Variants in SLIRP observed in about 807,000 individuals in gnomAD.
SLIRP encodes the protein SRA stem-loop interacting RNA binding protein.
In SLIRP, 12 loss-of-function variants were observed where a neutral mutation model predicts 13.4. The observed-to-expected ratio is 0.89, with a 90% confidence interval of 0.57 to 1.45. The LOEUF is 1.45. Among genes scored for constraint, SLIRP ranks in the 40% most tolerant of loss-of-function variants. SLIRP has a pLI of 0.00. For synonymous variants in SLIRP, 55 were observed against 47.1 expected (o/e 1.17, Z -0.69); for missense variants, 154 against 132.2 (o/e 1.17, Z -0.81).
chr14:77,715,065 G>A (rs1468879168), intron 2 of SLIRP, among the ~76,000 whole-genome samples: 1 of 152,216 alleles, frequency 6.6e-6, no homozygotes, highest in African/African-American at 2.4e-5. Context: ...CGTGATGATA[G>A]TCGTGGTGGT....
chr14:77,713,730 G>A (rs2080456961), intron 2 of SLIRP, among the ~76,000 whole-genome samples: 1 of 152,186 alleles, frequency 6.6e-6, no homozygotes, highest in African/African-American at 2.4e-5. Flanking sequence ...TTAAGTCACT[G>A]ATGCAATGGA....
At chr14:77,710,459 G>A in intron 1 of SLIRP, 1 of 678,810 alleles carries the variant, frequency 1.5e-6, no homozygotes, top group Non-Finnish European at 2.3e-6. Flanking sequence ...AATTGTGAAA[G>A]ACCAGTAAGT....
intron 1 of SLIRP, 75 bp from the exon 2 acceptor site, chr14:77,710,763 C>T: frequency 6.3e-7 from 1 of 1,596,128 alleles, no homozygotes; most frequent in South Asian, 1.1e-5. Flanking sequence ...AATCTGGTGA[C>T]CCTGTCTTTC....
upstream of SLIRP, chr14:77,708,092 G>A: frequency 6.2e-7 from 1 of 1,611,998 alleles, no homozygotes; most frequent in Non-Finnish European, 8.5e-7. Context: ...CTCGGCTCGA[G>A]AAGGTGCTTT....
chr14:77,708,439 A>T (rs2080413503), intron 1 of SLIRP, among the ~76,000 whole-genome samples: 1 of 152,152 alleles, frequency 6.6e-6, no homozygotes, highest in East Asian at 1.9e-4. Context: ...ATTTGGTGTA[A>T]AGATTTATTA....
At chr14:77,710,674 T>C in intron 1 of SLIRP, 164 bp from the exon 2 acceptor site, 1 of 1,548,952 alleles carries the variant, frequency 6.5e-7, no homozygotes, top group South Asian at 1.2e-5. Context: ...TGGTACATTA[T>C]GGCTTTATAG....
intron 2 of SLIRP, among the ~76,000 whole-genome samples, chr14:77,714,205 C>T (rs1323186757): frequency 6.6e-6 from 1 of 152,112 alleles, no homozygotes; most frequent in Non-Finnish European, 1.5e-5. Context: ...TGGGGCTTCA[C>T]CATATTGCCC....
chr14:77,709,289 G>A (rs921243738), intron 1 of SLIRP, among the ~76,000 whole-genome samples: 1 of 152,150 alleles, frequency 6.6e-6, no homozygotes, highest in African/African-American at 2.4e-5. Context: ...CATGTTTCAG[G>A]TCAACCCCTG....
At chr14:77,716,071 CTT>C (rs2080475428) in intron 3 of SLIRP, 192 bp downstream of exon 3, 1 of 462,180 alleles carries the variant, frequency 2.2e-6, no homozygotes, top group Non-Finnish European at 3.9e-6. Context: ...AATCCCAGCA[CTT>C]TGGGAGGCCG....
At chr14:77,710,761 G>A in intron 1 of SLIRP, 77 bp from the exon 2 acceptor site, 1 of 1,595,420 alleles carries the variant, frequency 6.3e-7, no homozygotes, top group Non-Finnish European at 8.6e-7. Flanking sequence ...GAAATCTGGT[G>A]ACCCTGTCTT....
chr14:77,715,870 T>G lies in SLIRP; in HGVS notation c.255T>G (p.Asp85Glu). 1 of 1,611,916 alleles carries G rather than the reference T, an allele frequency of 6.2e-7. No individual in the cohort carries two copies. Among genetic ancestry groups the G allele is most frequent in the Non-Finnish European group, 8.5e-7 (1 of 1,178,084 alleles). ...TACAACAGGAAAATCATATTATAGA[T>G]GGAGTAAAGGTAAATTTATTTCTAT... is the stretch of plus-strand genomic sequence containing the variant. ...NALQQENHIIDGVKVQVHTRR... is the reference protein window; with the variant it reads ...NALQQENHIIEGVKVQVHTRR... Residue 85 changes from aspartate (D) to glutamate (E), a missense_variant, in exon 3 of 4, where the codon GAT (aspartate) becomes GAG (glutamate). By Grantham distance (45) the Asp-to-Glu change is conservative (BLOSUM62 2). Coordinates refer to ENST00000557342, the MANE Select transcript of SLIRP (RefSeq NM_031210.6).
chr14:77,711,101 A>G (rs1002740115), intron 2 of SLIRP, among the ~76,000 whole-genome samples: 1 of 151,804 alleles, frequency 6.6e-6, no homozygotes, highest in African/African-American at 2.4e-5. Context: ...AAGTCAAAGG[A>G]TAAATGCTTG....
At chr14:77,716,927 A>G (rs1456051489) in intron 3 of SLIRP, among the ~76,000 whole-genome samples, 1 of 151,790 alleles carries the variant, frequency 6.6e-6, no homozygotes, top group East Asian at 2.0e-4. Flanking sequence ...ACGCACTGCT[A>G]ATTTTTTTTG....
At chr14:77,712,974 C>CT (rs76927822) in intron 2 of SLIRP, among the ~76,000 whole-genome samples, 25,357 of 152,108 alleles carry the variant, frequency 0.17, 2,432 homozygotes, top group Non-Finnish European at 0.22. Context: ...CATCCCATTA[C>CT]TTTCGCTGTA....
chr14:77,717,512 G>A lies in SLIRP; in HGVS notation c.281G>A (p.Arg94Lys), dbSNP rs973792865. 3 of 1,613,930 alleles carry A rather than the reference G, an allele frequency of 1.9e-6. No homozygotes were observed. The highest frequency in any genetic ancestry group is 2.7e-5 in the African/African-American group (2 of 74,920). The change falls in exon 4 of 4, where the codon AGA (arginine) becomes AAA (lysine). Residue 94 changes from arginine to lysine, a missense_variant. Physicochemically the swap from Arg to Lys is conservative, Grantham distance 26. Transcript: ENST00000557342. ...IDGVKVQVHTRRPKLPQTSDD... is the reference protein window; with the variant it reads ...IDGVKVQVHTKRPKLPQTSDD... ...TTTTTTAAGGTCCAGGTTCACACTA[G>A]AAGGCCAAAACTTCCGCAAACATCT...
intron 1 of SLIRP, among the ~76,000 whole-genome samples, chr14:77,710,080 G>A (rs1228744986): frequency 1.3e-5 from 2 of 152,186 alleles, no homozygotes; most frequent in Non-Finnish European, 2.9e-5. Flanking sequence ...AAGTAAATCA[G>A]TGAAGTACAA....
At chr14:77,715,750 T>C (rs759647540) in intron 2 of SLIRP, 22 bp from the exon 3 acceptor site, 4 of 1,587,438 alleles carry the variant, frequency 2.5e-6, no homozygotes, top group Non-Finnish European at 2.6e-6. Context: ...GATTAATCTT[T>C]TCCTATATTT....
At chr14:77,715,995 C>A in intron 3 of SLIRP, 116 bp downstream of exon 3, 1 of 850,678 alleles carries the variant, frequency 1.2e-6, no homozygotes, top group Non-Finnish European at 1.9e-6. Context: ...AGATTTGTAA[C>A]TGAAGCTGCC....
chr14:77,714,450 G>A (rs1054901852), intron 2 of SLIRP, among the ~76,000 whole-genome samples: 11 of 152,170 alleles, frequency 7.2e-5, no homozygotes, highest in African/African-American at 1.4e-4. Flanking sequence ...ACAGGCATGG[G>A]CCACCACACC....
Sources: allele counts gnomAD v4.1 joint callset (sites outside exome capture counted in the v4.1 genomes callset), GRCh38; gene constraint gnomAD v4.1.1; transcripts MANE v1.5; gene names NCBI Gene and HGNC (gene_info 2026-07-23, HGNC 2026-07-21).